Variants in LINC00305 observed in about 807,000 individuals in gnomAD.
LINC00305 encodes the protein long independently transcribed non-coding RNA 305.
chr18:64,131,746 G>A (rs1200082737), intron 1 of LINC00305, among the ~76,000 whole-genome samples: 1 of 152,130 alleles, frequency 6.6e-6, no homozygotes, highest in African/African-American at 2.4e-5. Flanking sequence ...AGCATCACTC[G>A]TTAGGGATTT....
At chr18:64,113,203 A>T (rs1436291541) in intron 1 of LINC00305, among the ~76,000 whole-genome samples, 4 of 152,228 alleles carry the variant, frequency 2.6e-5, no homozygotes, top group Non-Finnish European at 4.4e-5. Flanking sequence ...GGGACGAGGG[A>T]ACTACATTTC....
At chr18:64,143,803 GTATGTATACATA>G in intron 1 of LINC00305, among the ~76,000 whole-genome samples, 1 of 147,738 alleles carries the variant, frequency 6.8e-6, no homozygotes. Flanking sequence ...ATGCGTACAT[GTATGTATACATA>G]TATACACAGA....
At chr18:64,101,962 T>C (rs2051269260) in intron 1 of LINC00305, among the ~76,000 whole-genome samples, 1 of 152,174 alleles carries the variant, frequency 6.6e-6, no homozygotes. Flanking sequence ...ATTTTTATAG[T>C]GCAAAATAGA....
At chr18:64,131,626 T>C (rs2051410243) in intron 1 of LINC00305, among the ~76,000 whole-genome samples, 3 of 152,214 alleles carry the variant, frequency 2.0e-5, no homozygotes, top group Admixed American at 2.0e-4. Flanking sequence ...TCAAACAGCA[T>C]TTATATAATG....
chr18:64,091,076 T>A (rs1485659562), intron 3 of LINC00305, among the ~76,000 whole-genome samples: 1 of 152,220 alleles, frequency 6.6e-6, no homozygotes, highest in Non-Finnish European at 1.5e-5. Context: ...CATTGTCAAC[T>A]AAGTGGGTGA....
intron 3 of LINC00305, among the ~76,000 whole-genome samples, chr18:64,088,367 A>T (rs2051212303): frequency 6.6e-6 from 1 of 152,364 alleles, no homozygotes; most frequent in East Asian, 1.9e-4. Context: ...GTTCTAAAGA[A>T]TGGCCCTGAA....
At chr18:64,116,561 GTTTCT>G (rs1002475093) in intron 1 of LINC00305, among the ~76,000 whole-genome samples, 1 of 151,956 alleles carries the variant, frequency 6.6e-6, no homozygotes. Flanking sequence ...TTCTTTTCAT[GTTTCT>G]TTTCTTTTCC....
At chr18:64,091,348 A>T (rs1297628633) in intron 3 of LINC00305, among the ~76,000 whole-genome samples, 1 of 152,234 alleles carries the variant, frequency 6.6e-6, no homozygotes, top group African/African-American at 2.4e-5. Context: ...CCCACACAGT[A>T]TGCAAATGGG....
rs530668918 is a variant in LINC00305 at position 64,089,661 on chromosome 18, C to T, written n.540+8173G>A. ...TTTCACATTGCTGATAAAGACATAC[C>T]CAAGACTGGATGATTTACAAAAGAA... On this transcript the variant is annotated intron_variant and non_coding_transcript_variant, in intron 3 of 3. Transcript: ENST00000666468. 1.1e-4 allele frequency among the ~76,000 whole-genome samples: 16 copies of T among 152,198 alleles called. No homozygotes were observed. The South Asian group carries it at 3.3e-3, about 32-fold the overall frequency.
In LINC00305 at chr18:64,121,772, T is replaced by C. The variant is rs151130645; in HGVS notation, n.315-23132A>G. ...AGTTTTTGAGAAATCACCATGCTGT[T>C]TTCCATAGAGGTTGTACTAATTTAC... On this transcript the variant is annotated intron_variant and non_coding_transcript_variant, in intron 1 of 3. Transcript: ENST00000666468. 8.5e-5 allele frequency among the ~76,000 whole-genome samples: 13 copies of C among 152,248 alleles called. No individual in the cohort carries two copies. In the East Asian group the frequency reaches 2.5e-3, roughly 29 times the overall value.
intron 1 of LINC00305, among the ~76,000 whole-genome samples, chr18:64,135,953 G>A (rs1438498082): frequency 6.6e-6 from 1 of 152,104 alleles, no homozygotes; most frequent in Non-Finnish European, 1.5e-5. Flanking sequence ...CTGAGGGTGG[G>A]CATGGGGAGG....
chr18:64,080,362 A>G (rs1402223979), exon 4 of LINC00305: 2 of 457,468 alleles, frequency 4.4e-6, no homozygotes, highest in South Asian at 1.5e-5. Flanking sequence ...TGCTTCCTTC[A>G]GGTCTCTGGT....
chr18:64,140,205 TTTTC>T (rs1159240723), intron 1 of LINC00305, among the ~76,000 whole-genome samples: 3 of 151,250 alleles, frequency 2.0e-5, no homozygotes, highest in Non-Finnish European at 2.9e-5. Context: ...TCTGCTTTGA[TTTTC>T]TTTCTTTCTT....
intron 3 of LINC00305, among the ~76,000 whole-genome samples, chr18:64,094,888 A>AAATAAATAAATAAATAAATAAAT (rs1196743513): frequency 2.7e-4 from 26 of 97,156 alleles, no homozygotes; most frequent in Middle Eastern, 3.6e-3. Flanking sequence ...AATAAATAAT[A>AAATAAATAAATAAATAAATAAAT]AAATAAAATA....
chr18:64,132,966 G>A (rs886878162), intron 1 of LINC00305, among the ~76,000 whole-genome samples: 7 of 152,272 alleles, frequency 4.6e-5, no homozygotes, highest in East Asian at 1.9e-4. Flanking sequence ...AAGCAAAGTC[G>A]AGAGAATTAG....
intron 3 of LINC00305, among the ~76,000 whole-genome samples, chr18:64,080,937 TA>T (rs2051182624): frequency 6.6e-6 from 1 of 152,194 alleles, no homozygotes; most frequent in Non-Finnish European, 1.5e-5. Flanking sequence ...TTTAATTTTT[TA>T]AAAACAACAG....
intron 1 of LINC00305, among the ~76,000 whole-genome samples, chr18:64,107,455 C>G (rs1231352421): frequency 6.6e-6 from 1 of 152,168 alleles, no homozygotes; most frequent in African/African-American, 2.4e-5. Flanking sequence ...TCTCTGAAAT[C>G]CTTCAAGCTT....
chr18:64,114,840 C>T (rs1033161306), intron 1 of LINC00305, among the ~76,000 whole-genome samples: 1 of 152,254 alleles, frequency 6.6e-6, no homozygotes, highest in African/African-American at 2.4e-5. Flanking sequence ...TGAGCCATTG[C>T]TCCTGGCCTA....
intron 1 of LINC00305, among the ~76,000 whole-genome samples, chr18:64,119,408 T>A (rs558787342): frequency 6.6e-6 from 1 of 152,316 alleles, no homozygotes; most frequent in South Asian, 2.1e-4. Context: ...TAACTTAGCA[T>A]ATTTGTTAAA....
Sources: gnomAD v4.1 joint callset for allele counts (sites outside exome capture counted in the v4.1 genomes callset) on GRCh38, gnomAD v4.1.1 for gene constraint, MANE v1.5 for transcripts, NCBI Gene and HGNC (gene_info 2026-07-23, HGNC 2026-07-21) for gene names.